SOX6: variants seen among roughly 807,000 people sequenced by gnomAD.
SOX6 encodes transcription factor SOX-6.
In SOX6, 11 loss-of-function variants were observed where a neutral mutation model predicts 97.8. The observed-to-expected ratio is 0.11, with a 90% confidence interval of 0.07 to 0.19. The LOEUF is 0.19. Ranked by LOEUF, SOX6 falls within the 10% of genes least tolerant of loss-of-function variation. SOX6 has a pLI of 1.00. For missense variants in SOX6, 810 were observed against 1,039.5 expected, an observed-to-expected ratio of 0.78 and a Z score of 3.04; for synonymous variants, 360 against 371.4, an observed-to-expected ratio of 0.97 and a Z score of 0.35.
chr11:16,145,705 C>T (rs566486408), intron 6 of SOX6, among the ~76,000 whole-genome samples: 1 of 152,046 alleles, frequency 6.6e-6, no homozygotes, highest in South Asian at 2.1e-4. Context: ...CATACACCAA[C>T]AACAGACAAA....
intron 4 of SOX6, among the ~76,000 whole-genome samples, chr11:16,556,704 C>T (rs887270037): frequency 1.1e-4 from 16 of 151,720 alleles, no homozygotes; most frequent in Admixed American, 1.1e-3. Context: ...AATTTACTTT[C>T]ATTCAAATTG....
intron 1 of SOX6, among the ~76,000 whole-genome samples, chr11:16,449,152 G>C (rs773143735): frequency 6.6e-6 from 1 of 152,026 alleles, no homozygotes; most frequent in Non-Finnish European, 1.5e-5. Context: ...GGCATAGGGT[G>C]GTAGAGTAAG....
intron 4 of SOX6, among the ~76,000 whole-genome samples, chr11:16,481,963 G>A (rs1338370142): frequency 2.0e-5 from 3 of 151,908 alleles, no homozygotes; most frequent in Admixed American, 2.0e-4. Flanking sequence ...AAAAAAAAGA[G>A]AGAGAAAACT....
At chr11:16,468,939 C>T (rs888404082) in intron 1 of SOX6, among the ~76,000 whole-genome samples, 7 of 152,040 alleles carry the variant, frequency 4.6e-5, no homozygotes, top group African/African-American at 1.7e-4. Flanking sequence ...TGAAAATGTT[C>T]CACCGCGCAT....
At chr11:16,216,233 T>A (rs1449589898) in intron 4 of SOX6, among the ~76,000 whole-genome samples, 1 of 152,218 alleles carries the variant, frequency 6.6e-6, no homozygotes, top group African/African-American at 2.4e-5. Context: ...CACTTCTTGG[T>A]AGGACTTTAA....
intron 13 of SOX6, among the ~76,000 whole-genome samples, chr11:16,010,547 A>T (rs1854686930): frequency 6.6e-6 from 1 of 152,050 alleles, no homozygotes; most frequent in African/African-American, 2.4e-5. Flanking sequence ...TCTTACTCAA[A>T]CCATGCAGCA....
intron 9 of SOX6, among the ~76,000 whole-genome samples, chr11:16,073,896 G>A (rs917013583): frequency 6.6e-6 from 1 of 152,110 alleles, no homozygotes; most frequent in Non-Finnish European, 1.5e-5. Context: ...AAATTAATGA[G>A]ACCAAAGATA....
intron 6 of SOX6, among the ~76,000 whole-genome samples, chr11:16,131,144 A>G (rs961922230): frequency 3.3e-5 from 5 of 151,968 alleles, no homozygotes; most frequent in Admixed American, 2.6e-4. Context: ...TTTGCTCTTT[A>G]GAAGACATGG....
chr11:16,125,443 C>T (rs59275453), intron 6 of SOX6, among the ~76,000 whole-genome samples: 3,641 of 151,984 alleles, frequency 0.024, 145 homozygotes, highest in African/African-American at 0.083. Flanking sequence ...GTACAAAGAT[C>T]GATATATACA....
intron 4 of SOX6, among the ~76,000 whole-genome samples, chr11:16,579,782 T>TA (rs1848015508): frequency 1.3e-5 from 2 of 152,084 alleles, no homozygotes; most frequent in Non-Finnish European, 2.9e-5. Flanking sequence ...AGTGGACAAA[T>TA]ACACTCATTT....
intron 13 of SOX6, among the ~76,000 whole-genome samples, chr11:15,999,430 A>G (rs1319981132): frequency 6.6e-6 from 1 of 152,180 alleles, no homozygotes; most frequent in Non-Finnish European, 1.5e-5. Context: ...AATAATAGAA[A>G]AAAGGAAAAT....
intron 6 of SOX6, among the ~76,000 whole-genome samples, chr11:16,132,313 AGGAAGGAAGGAAGGAAG>A (rs1849774433): frequency 2.3e-5 from 3 of 129,618 alleles, no homozygotes; most frequent in East Asian, 2.2e-4. Flanking sequence ...GAAGGAAGGA[AGGAAGGAAGGAAGGAAG>A]GAAAGAAAAA....
intron 3 of SOX6, among the ~76,000 whole-genome samples, chr11:16,285,485 G>C (rs954972282): frequency 2.0e-5 from 3 of 152,052 alleles, no homozygotes; most frequent in African/African-American, 7.2e-5. Flanking sequence ...AGTGAGTCGA[G>C]ATCGCACCAT....
intron 3 of SOX6, among the ~76,000 whole-genome samples, chr11:16,668,197 A>G (rs542525188): frequency 1.1e-4 from 16 of 152,210 alleles, no homozygotes; most frequent in African/African-American, 3.9e-4. Context: ...ACATGGGGAA[A>G]CCCCGTCTCC....
At chr11:16,325,707 CA>C (rs1163682156) in intron 2 of SOX6, among the ~76,000 whole-genome samples, 2 of 152,084 alleles carry the variant, frequency 1.3e-5, no homozygotes, top group African/African-American at 4.8e-5. Context: ...TTAATCTTCA[CA>C]TAAGCTAAAA....
At chr11:16,550,506 CTT>C (rs1321705613) in intron 4 of SOX6, among the ~76,000 whole-genome samples, 1 of 151,816 alleles carries the variant, frequency 6.6e-6, no homozygotes, top group East Asian at 1.9e-4. Flanking sequence ...AAATCTATAT[CTT>C]AAGTGTGGTG....
At chr11:16,585,015 T>C (rs1348046613) in intron 4 of SOX6, among the ~76,000 whole-genome samples, 2 of 152,154 alleles carry the variant, frequency 1.3e-5, no homozygotes, top group African/African-American at 2.4e-5. Context: ...AATCAACTAG[T>C]CTCCACAAAT....
At chr11:16,617,793 A>C (rs1215546746) in intron 3 of SOX6, among the ~76,000 whole-genome samples, 1 of 151,886 alleles carries the variant, frequency 6.6e-6, no homozygotes, top group African/African-American at 2.4e-5. Flanking sequence ...TTTTAAGAGT[A>C]CATTCTGAAA....
At chr11:16,287,805 A>C (rs770779840) in intron 3 of SOX6, among the ~76,000 whole-genome samples, 4 of 152,124 alleles carry the variant, frequency 2.6e-5, no homozygotes, top group Non-Finnish European at 5.9e-5. Flanking sequence ...AAGCCATTAC[A>C]CATTTGACCC....
Sources: gnomAD v4.1 joint callset for allele counts (sites outside exome capture counted in the v4.1 genomes callset) on GRCh38, gnomAD v4.1.1 for gene constraint, MANE v1.5 for transcripts, NCBI Gene and HGNC (gene_info 2026-07-23, HGNC 2026-07-21) for gene names.